Variants in AHCYL2 observed in about 807,000 individuals in gnomAD.
AHCYL2 encodes the protein S-adenosylhomocysteine hydrolase-like protein 2.
AHCYL2 carries 28 observed loss-of-function variants against 81.4 expected under a neutral mutation model. That is an observed-to-expected ratio of 0.34 (90% CI 0.25 to 0.47). AHCYL2 has a LOEUF of 0.47. Ranked by LOEUF, AHCYL2 falls within the 20% of genes least tolerant of loss-of-function variation. AHCYL2 has a pLI of 1.00. For missense variants in AHCYL2, 551 were observed against 785.1 expected, an observed-to-expected ratio of 0.70 and a Z score of 3.56; for synonymous variants, 272 against 290.2, an observed-to-expected ratio of 0.94 and a Z score of 0.64.
At chr7:129,226,915 A>G (rs987823114) in intron 1 of AHCYL2, among the ~76,000 whole-genome samples, 2 of 16,286 alleles carry the variant, frequency 1.2e-4, no homozygotes, top group Non-Finnish European at 7.7e-3. Flanking sequence ...TTGTTGAGAT[A>G]CTTTGTATCG....
intron 4 of AHCYL2, among the ~76,000 whole-genome samples, chr7:129,396,117 T>C (rs970320508): frequency 6.6e-6 from 1 of 152,104 alleles, no homozygotes; most frequent in East Asian, 1.9e-4. Flanking sequence ...TTCATTTATT[T>C]GTTTGTTTGT....
chr7:129,340,549 C>T (rs551970232), intron 1 of AHCYL2, among the ~76,000 whole-genome samples: 3 of 145,466 alleles, frequency 2.1e-5, no homozygotes, highest in Non-Finnish European at 4.5e-5. Flanking sequence ...GCCTGGGAGA[C>T]AGAGCGAGAC....
intron 1 of AHCYL2, among the ~76,000 whole-genome samples, chr7:129,353,111 A>G (rs1246043291): frequency 1.3e-5 from 2 of 151,842 alleles, no homozygotes; most frequent in African/African-American, 4.8e-5. Flanking sequence ...ACACCTGGCT[A>G]ATTTTTGTAT....
chr7:129,262,945 G>T (rs1795692579), intron 1 of AHCYL2, among the ~76,000 whole-genome samples: 1 of 152,078 alleles, frequency 6.6e-6, no homozygotes, highest in South Asian at 2.1e-4. Flanking sequence ...ATACGGAATA[G>T]GAGTCCCAAG....
intron 1 of AHCYL2, among the ~76,000 whole-genome samples, chr7:129,285,623 C>A (rs2150744555): frequency 6.6e-6 from 1 of 151,974 alleles, no homozygotes; most frequent in South Asian, 2.1e-4. Flanking sequence ...CTTGTAGAAT[C>A]CATGTGATTA....
At chr7:129,339,916 CTTTTT>C (rs774989478) in intron 1 of AHCYL2, among the ~76,000 whole-genome samples, 1 of 104,544 alleles carries the variant, frequency 9.6e-6, no homozygotes, top group Non-Finnish European at 1.7e-5. Flanking sequence ...TTCCTCTGCT[CTTTTT>C]TTTTTTTTTT....
intron 1 of AHCYL2, among the ~76,000 whole-genome samples, chr7:129,374,728 A>G (rs896830908): frequency 2.0e-5 from 3 of 149,204 alleles, no homozygotes; most frequent in African/African-American, 7.5e-5. Flanking sequence ...AATCACTTGA[A>G]CCCGGAGGGT....
intron 1 of AHCYL2, among the ~76,000 whole-genome samples, chr7:129,250,286 C>T (rs1282386198): frequency 1.3e-5 from 2 of 152,178 alleles, no homozygotes; most frequent in Non-Finnish European, 2.9e-5. Flanking sequence ...AACAAACAAA[C>T]CAAAAAGTTG....
chr7:129,245,342 G>A (rs1015368735), intron 1 of AHCYL2, among the ~76,000 whole-genome samples: 8 of 152,124 alleles, frequency 5.3e-5, no homozygotes, highest in Admixed American at 2.0e-4. Context: ...TCTGTTTATG[G>A]TAAAATATAT....
intron 2 of AHCYL2, among the ~76,000 whole-genome samples, chr7:129,387,841 C>T (rs1178875422): frequency 6.6e-6 from 1 of 152,144 alleles, no homozygotes; most frequent in Non-Finnish European, 1.5e-5. Context: ...TCCCCTGGTG[C>T]CCATGTTCAT....
intron 1 of AHCYL2, among the ~76,000 whole-genome samples, chr7:129,227,705 T>C (rs1794279675): frequency 6.6e-6 from 1 of 152,122 alleles, no homozygotes; most frequent in Non-Finnish European, 1.5e-5. Context: ...ACCACTTTCC[T>C]TGTCGTTGAA....
intron 1 of AHCYL2, among the ~76,000 whole-genome samples, chr7:129,337,466 C>T (rs1798643956): frequency 6.6e-6 from 1 of 152,046 alleles, no homozygotes; most frequent in African/African-American, 2.4e-5. Context: ...GTGACGTGAT[C>T]TCAGCTCAGT....
At chr7:129,351,711 C>T (rs1274011524) in intron 1 of AHCYL2, 1 of 152,164 alleles carries the variant, frequency 6.6e-6, no homozygotes, top group Non-Finnish European at 1.5e-5. Context: ...TGTTAATCAC[C>T]AGACCTCACA....
chr7:129,369,310 G>A lies in AHCYL2; in HGVS notation c.364-10328G>A, dbSNP rs1035429037. 9.2e-5 allele frequency among the ~76,000 whole-genome samples: 14 copies of A among 152,048 alleles called. 1 individual carries two copies. The highest frequency in any genetic ancestry group is 9.2e-4 in the Admixed American group (14 of 15,268). ...CACACAGGTTTATGTTTACAGATTT[G>A]TGTTTCCCCACTATGGAAAACTAGT... On this transcript the variant is annotated intron_variant, in intron 1 of 16. Transcript: ENST00000325006.
intron 1 of AHCYL2, among the ~76,000 whole-genome samples, chr7:129,240,057 C>G (rs531313196): frequency 3.3e-5 from 5 of 152,152 alleles, no homozygotes; most frequent in African/African-American, 1.2e-4. Context: ...AACCCTGTCT[C>G]TACTAAAAAT....
chr7:129,375,837 C>A, intron 1 of AHCYL2: 2 of 1,535,586 alleles, frequency 1.3e-6, no homozygotes, highest in Non-Finnish European at 1.7e-6. Context: ...GTCCCTGGAC[C>A]ACAGAGGTGG....
chr7:129,238,639 A>G (rs1199618566), intron 1 of AHCYL2, among the ~76,000 whole-genome samples: 2 of 152,056 alleles, frequency 1.3e-5, no homozygotes, highest in African/African-American at 2.4e-5. Context: ...GGTGAAACCC[A>G]AGAGGTTTCA....
intron 1 of AHCYL2, among the ~76,000 whole-genome samples, chr7:129,277,168 T>C (rs1357591686): frequency 6.6e-6 from 1 of 152,076 alleles, no homozygotes. Context: ...AACAAAAAAC[T>C]GCAGATATTT....
intron 1 of AHCYL2, among the ~76,000 whole-genome samples, chr7:129,229,213 A>G (rs570497993): frequency 4.6e-5 from 7 of 152,216 alleles, no homozygotes; most frequent in Admixed American, 1.3e-4. Context: ...GATTACAGGC[A>G]TGCACCACCA....
Sources: allele counts gnomAD v4.1 joint callset (sites outside exome capture counted in the v4.1 genomes callset), GRCh38; gene constraint gnomAD v4.1.1; transcripts MANE v1.5; gene names NCBI Gene and HGNC (gene_info 2026-07-23, HGNC 2026-07-21).